CPNE4: variants seen among roughly 807,000 people sequenced by gnomAD.
The protein encoded by CPNE4 is copine-4.
CPNE4 carries 25 observed loss-of-function variants against 67.9 expected under a neutral mutation model. The observed-to-expected ratio is 0.37, with a 90% CI of 0.27 to 0.51. CPNE4 has a LOEUF of 0.51. CPNE4 is among the 20% of genes least tolerant of loss of function. The pLI is 0.93. For synonymous variants in CPNE4, 242 were observed against 244.9 expected, an observed-to-expected ratio of 0.99 and a Z score of 0.11; for missense variants, 464 against 690.8, an observed-to-expected ratio of 0.67 and a Z score of 3.68.
intron 1 of CPNE4, among the ~76,000 whole-genome samples, chr3:131,973,387 A>G (rs1034849125): frequency 6.6e-6 from 1 of 152,210 alleles, no homozygotes; most frequent in Non-Finnish European, 1.5e-5. Context: ...GAATCAATGT[A>G]GTAATAATAA....
chr3:131,744,558 G>A (rs894671049), intron 2 of CPNE4, among the ~76,000 whole-genome samples: 1 of 152,134 alleles, frequency 6.6e-6, no homozygotes, highest in South Asian at 2.1e-4. Flanking sequence ...CCCTCATGTT[G>A]CCCTTCTATA....
chr3:131,602,559 T>C (rs1939265186), intron 7 of CPNE4, among the ~76,000 whole-genome samples: 1 of 152,150 alleles, frequency 6.6e-6, no homozygotes. Flanking sequence ...TGGAGATTTA[T>C]GGCTTTGGGA....
At chr3:132,004,965 G>A (rs192539491) in intron 1 of CPNE4, among the ~76,000 whole-genome samples, 125 of 152,038 alleles carry the variant, frequency 8.2e-4, no homozygotes, top group African/African-American at 2.9e-3. Context: ...CTCTCCTTCT[G>A]GGCGCAAAAG....
intron 12 of CPNE4, among the ~76,000 whole-genome samples, chr3:131,553,351 C>T (rs925620110): frequency 2.6e-5 from 4 of 152,092 alleles, no homozygotes; most frequent in African/African-American, 9.7e-5. Context: ...TAGTCCCTTG[C>T]TCTTAGCACT....
At chr3:131,724,550 C>T (rs1247717315) in intron 2 of CPNE4, among the ~76,000 whole-genome samples, 1 of 152,150 alleles carries the variant, frequency 6.6e-6, no homozygotes, top group Admixed American at 6.5e-5. Flanking sequence ...TTGGAGTCAG[C>T]CAAATGGAGG....
At chr3:131,799,759 G>A (rs2084023965) in intron 2 of CPNE4, among the ~76,000 whole-genome samples, 1 of 152,106 alleles carries the variant, frequency 6.6e-6, no homozygotes, top group Non-Finnish European at 1.5e-5. Flanking sequence ...GCCTCCATGT[G>A]CAGATTATCC....
chr3:131,789,760 T>C (rs1289123454), intron 2 of CPNE4, among the ~76,000 whole-genome samples: 1 of 152,072 alleles, frequency 6.6e-6, no homozygotes, highest in African/African-American at 2.4e-5. Context: ...ATATATAACC[T>C]CTGTTTTTAA....
rs149547010 is a variant in CPNE4 at position 131,736,090 on chromosome 3, G to C, written c.181-12465C>G. Among the ~76,000 whole-genome samples, 55 of 152,204 alleles carry C rather than the reference G, an allele frequency of 3.6e-4. No homozygotes were observed. In the East Asian group the frequency reaches 0.01, roughly 28 times the overall value. On this transcript the variant is annotated intron_variant, in intron 2 of 15. Transcript: ENST00000429747. ...CTGCCTTCTCTCCACAGTTAAGTAG[G>C]GCCACACAGCTTTGTTCAGGCATGA...
Position 131,537,229 on chromosome 3 carries a change from G to A in CPNE4, c.1540-1900C>T, listed in dbSNP as rs543799241. Reference sequence around the variant, plus strand: ...TAGTATTTCGGAACTCTGTAAAAGTGTGTGGAGGTCATGGTGCTAGTGTTC... The same window carrying A: ...TAGTATTTCGGAACTCTGTAAAAGTATGTGGAGGTCATGGTGCTAGTGTTC... On this transcript the variant is annotated intron_variant, in intron 15 of 15. Coordinates refer to ENST00000429747, the MANE Select transcript of CPNE4 (RefSeq NM_130808.3). Among the ~76,000 whole-genome samples the A allele has an allele frequency of 6.1e-4, 93 of 151,448 alleles. 4 individuals are homozygous for A. In the South Asian group the frequency reaches 0.019, roughly 31 times the overall value.
At chr3:132,025,502 T>C (rs1228930354) in intron 1 of CPNE4, among the ~76,000 whole-genome samples, 2 of 152,152 alleles carry the variant, frequency 1.3e-5, no homozygotes. Flanking sequence ...GAAGGGTAAA[T>C]GATTCAGTAG....
intron 2 of CPNE4, among the ~76,000 whole-genome samples, chr3:131,778,486 C>G (rs768460207): frequency 6.6e-6 from 1 of 152,120 alleles, no homozygotes; most frequent in Non-Finnish European, 1.5e-5. Flanking sequence ...GAATTATCAT[C>G]ATTACCACCA....
At chr3:131,807,285 G>A (rs1458314127) in intron 2 of CPNE4, among the ~76,000 whole-genome samples, 3 of 152,110 alleles carry the variant, frequency 2.0e-5, no homozygotes, top group African/African-American at 7.2e-5. Context: ...TTTGTTCAGG[G>A]CAAAGGGCAT....
At chr3:131,754,148 AT>A (rs916965794) in intron 2 of CPNE4, among the ~76,000 whole-genome samples, 273 of 151,978 alleles carry the variant, frequency 1.8e-3, no homozygotes, top group African/African-American at 6.0e-3. Flanking sequence ...TTCATAAGGT[AT>A]TTTTTTTATG....
chr3:131,670,543 T>C (rs907071111), intron 6 of CPNE4, among the ~76,000 whole-genome samples: 5 of 152,208 alleles, frequency 3.3e-5, no homozygotes, highest in Non-Finnish European at 5.9e-5. Flanking sequence ...GTGCCTAGCA[T>C]TGTACTGTGT....
At chr3:131,694,867 C>G (rs867316173) in intron 5 of CPNE4, among the ~76,000 whole-genome samples, 1 of 152,138 alleles carries the variant, frequency 6.6e-6, no homozygotes, top group Non-Finnish European at 1.5e-5. Context: ...CCAACTGAAC[C>G]CTGATTGAAT....
intron 1 of CPNE4, among the ~76,000 whole-genome samples, chr3:131,954,825 T>C (rs1418917696): frequency 6.6e-6 from 1 of 152,194 alleles, no homozygotes; most frequent in Non-Finnish European, 1.5e-5. Flanking sequence ...GGACATGAAC[T>C]CATCATTTTT....
chr3:131,793,893 C>T (rs1346859560), intron 2 of CPNE4, among the ~76,000 whole-genome samples: 1 of 152,160 alleles, frequency 6.6e-6, no homozygotes, highest in Non-Finnish European at 1.5e-5. Flanking sequence ...ATCACATGCC[C>T]TGTTTCTATG....
At chr3:131,710,266 T>A (rs1402020860) in intron 3 of CPNE4, among the ~76,000 whole-genome samples, 4 of 152,240 alleles carry the variant, frequency 2.6e-5, no homozygotes, top group Non-Finnish European at 5.9e-5. Context: ...TAGATCCATG[T>A]CAAGGGAAAG....
At chr3:131,655,472 G>C (rs2079931278) in intron 7 of CPNE4, among the ~76,000 whole-genome samples, 1 of 152,202 alleles carries the variant, frequency 6.6e-6, no homozygotes. Context: ...AAGAAGGCCA[G>C]CTGGTCTGCA....
Sources: allele counts gnomAD v4.1 joint callset (sites outside exome capture counted in the v4.1 genomes callset), GRCh38; gene constraint gnomAD v4.1.1; transcripts MANE v1.5; gene names NCBI Gene and HGNC (gene_info 2026-07-23, HGNC 2026-07-21).